Variants in ADARB2 observed in about 807,000 individuals in gnomAD.
ADARB2 encodes adenosine deaminase RNA specific B2 (inactive).
Under a neutral mutation model 62.2 loss-of-function variants are expected in ADARB2, and 25 were observed. The observed-to-expected ratio is 0.40, with a 90% CI of 0.29 to 0.56. The LOEUF (loss-of-function observed/expected upper bound fraction) is 0.56. ADARB2 is among the 20% of genes least tolerant of loss of function. The pLI, the probability that ADARB2 is intolerant of heterozygous loss-of-function variation, is 0.43. For synonymous variants in ADARB2, 572 were observed against 500.8 expected, an observed-to-expected ratio of 1.14 and a Z score of -1.90; for missense variants, 1,071 against 1,077.4, an observed-to-expected ratio of 0.99 and a Z score of 0.08.
intron 1 of ADARB2, among the ~76,000 whole-genome samples, chr10:1,562,832 C>G (rs1481912291): frequency 1.3e-5 from 2 of 152,246 alleles, no homozygotes; most frequent in African/African-American, 4.8e-5. Flanking sequence ...ACTGCATGGG[C>G]TGGAGACAAT....
At chr10:1,193,646 C>T (rs1034092722) in intron 8 of ADARB2, among the ~76,000 whole-genome samples, 1 of 152,190 alleles carries the variant, frequency 6.6e-6, no homozygotes, top group Non-Finnish European at 1.5e-5. Context: ...GTGAGTCCAC[C>T]ATAGTTAGAC....
At chr10:1,401,704 C>T (rs977366277) in intron 1 of ADARB2, among the ~76,000 whole-genome samples, 5 of 152,060 alleles carry the variant, frequency 3.3e-5, no homozygotes, top group African/African-American at 7.2e-5. Context: ...GGGGTCCAGG[C>T]TCTGTTCTGC....
intron 1 of ADARB2, among the ~76,000 whole-genome samples, chr10:1,430,851 C>A (rs1239046277): frequency 6.6e-6 from 1 of 152,200 alleles, no homozygotes; most frequent in Non-Finnish European, 1.5e-5. Context: ...GATCAATCCA[C>A]TGGGAAGACA....
chr10:1,488,968 G>A (rs1272187907), intron 1 of ADARB2, among the ~76,000 whole-genome samples: 1 of 152,230 alleles, frequency 6.6e-6, no homozygotes, highest in Non-Finnish European at 1.5e-5. Context: ...AAATTGGAAG[G>A]CATCCTCCAC....
intron 1 of ADARB2, among the ~76,000 whole-genome samples, chr10:1,610,550 G>A (rs888141359): frequency 1.3e-5 from 2 of 152,254 alleles, no homozygotes; most frequent in Non-Finnish European, 2.9e-5. Flanking sequence ...CGGGACAGGT[G>A]CCTGCCGGGG....
intron 8 of ADARB2, among the ~76,000 whole-genome samples, chr10:1,199,247 C>T (rs1265580403): frequency 6.7e-6 from 1 of 150,144 alleles, no homozygotes; most frequent in East Asian, 1.9e-4. Context: ...TGTGAAAGGC[C>T]AGGAGTCGCC....
Position 1,709,877 on chromosome 10 carries a change from A to T in ADARB2, c.100+27174T>A, listed in dbSNP as rs1564201250. Among the ~76,000 whole-genome samples the T allele has an allele frequency of 2.0e-5, 3 of 152,214 alleles. No individual in the cohort carries two copies. In the East Asian group the frequency reaches 5.8e-4, roughly 29 times the overall value. Reference sequence around the variant, plus strand: ...AATTTGTTTTTCCTCACTGAACTTTAAGCAGAATTTCAAGTGCCAAGTCTC... The same window carrying T: ...AATTTGTTTTTCCTCACTGAACTTTTAGCAGAATTTCAAGTGCCAAGTCTC... On this transcript the variant is annotated intron_variant, in intron 1 of 9. Coordinates refer to ENST00000381312, the MANE Select transcript of ADARB2 (RefSeq NM_018702.4).
At chr10:1,633,609 TATCCCTCTATGTA>T (rs1833877012) in intron 1 of ADARB2, among the ~76,000 whole-genome samples, 1 of 147,844 alleles carries the variant, frequency 6.8e-6, no homozygotes, top group Non-Finnish European at 1.5e-5. Flanking sequence ...TCTATCTATC[TATCCCTCTATGTA>T]ATCTATCTAT....
rs1431265980 is a variant in ADARB2 at position 1,179,096 on chromosome 10, A to G, written c.*4097T>C. Reference sequence around the variant, plus strand: ...TTGTTTTAAACAATACACTATAGACACATCTTGAAATTTATTATCTAAAAA... The same window carrying G: ...TTGTTTTAAACAATACACTATAGACGCATCTTGAAATTTATTATCTAAAAA... On this transcript the variant is annotated 3_prime_UTR_variant, in exon 10 of 10. Coordinates refer to ENST00000381312, the MANE Select transcript of ADARB2 (RefSeq NM_018702.4). 3 of 150,906 alleles carry G rather than the reference A, an allele frequency of 2.0e-5. No homozygotes were observed. The highest frequency in any genetic ancestry group is 7.3e-5 in the African/African-American group (3 of 41,036). 9.3% of individuals were successfully genotyped at this position (150,906 alleles called of 1,614,324 possible).
intron 4 of ADARB2, among the ~76,000 whole-genome samples, chr10:1,244,165 C>G (rs989334467): frequency 2.0e-5 from 3 of 152,216 alleles, no homozygotes; most frequent in Non-Finnish European, 4.4e-5. Context: ...GCAGCTGCTA[C>G]TGACTCTGCC....
At chr10:1,702,900 C>T (rs1461820432) in intron 1 of ADARB2, among the ~76,000 whole-genome samples, 1 of 152,222 alleles carries the variant, frequency 6.6e-6, no homozygotes, top group Non-Finnish European at 1.5e-5. Context: ...CAGTTATAAG[C>T]AGTAAAGAAT....
intron 1 of ADARB2, among the ~76,000 whole-genome samples, chr10:1,695,454 G>A (rs891647573): frequency 1.4e-4 from 22 of 152,140 alleles, no homozygotes; most frequent in African/African-American, 4.8e-4. Flanking sequence ...TTTAGGGGTC[G>A]TTACCATTGA....
intron 2 of ADARB2, among the ~76,000 whole-genome samples, chr10:1,370,136 G>A (rs1832354885): frequency 6.6e-6 from 1 of 152,176 alleles, no homozygotes; most frequent in African/African-American, 2.4e-5. Flanking sequence ...AGAGATGCAA[G>A]GATGAATCCG....
chr10:1,194,253 G>A (rs1836877570), intron 8 of ADARB2, among the ~76,000 whole-genome samples: 1 of 152,204 alleles, frequency 6.6e-6, no homozygotes, highest in Non-Finnish European at 1.5e-5. Context: ...GTTATGCTCT[G>A]CAACATGGCT....
At chr10:1,696,224 C>T (rs977001744) in intron 1 of ADARB2, among the ~76,000 whole-genome samples, 2 of 151,858 alleles carry the variant, frequency 1.3e-5, no homozygotes, top group African/African-American at 2.4e-5. Context: ...TGTATATGTG[C>T]GTATATGCAT....
intron 1 of ADARB2, 45 bp downstream of exon 1, chr10:1,737,006 C>A: frequency 6.3e-7 from 1 of 1,596,632 alleles, no homozygotes; most frequent in Non-Finnish European, 8.5e-7. Context: ...GTGGAGAAGC[C>A]GGGGGTGAAG....
intron 1 of ADARB2, among the ~76,000 whole-genome samples, chr10:1,731,932 G>C (rs1835238556): frequency 6.6e-6 from 1 of 152,094 alleles, no homozygotes; most frequent in South Asian, 2.1e-4. Context: ...CTTACAATGT[G>C]GAAAATTATC....
chr10:1,388,546 C>A (rs1285825185), intron 1 of ADARB2, among the ~76,000 whole-genome samples: 1 of 151,770 alleles, frequency 6.6e-6, no homozygotes, highest in African/African-American at 2.4e-5. Flanking sequence ...CTCCAATACA[C>A]AAAAGTCTAC....
At chr10:1,632,471 G>A (rs1833855492) in intron 1 of ADARB2, among the ~76,000 whole-genome samples, 2 of 152,320 alleles carry the variant, frequency 1.3e-5, no homozygotes, top group South Asian at 4.1e-4. Flanking sequence ...GCACACACAT[G>A]CACACACACT....
Sources: gnomAD v4.1 joint callset for allele counts (sites outside exome capture counted in the v4.1 genomes callset) on GRCh38, gnomAD v4.1.1 for gene constraint, MANE v1.5 for transcripts, NCBI Gene and HGNC (gene_info 2026-07-23, HGNC 2026-07-21) for gene names.